Variants in TMC5 observed in about 807,000 individuals in gnomAD.
The protein encoded by TMC5 is transmembrane channel like 5.
Under a neutral mutation model 110.5 loss-of-function variants are expected in TMC5, and 86 were observed. That is an observed-to-expected ratio of 0.78 (90% confidence interval 0.65 to 0.93). The LOEUF is 0.93. Ranked by LOEUF, TMC5 falls within the 40% of genes least tolerant of loss-of-function variation. The probability of loss-of-function intolerance (pLI) is 0.00; values close to 1 mark genes in which losing one functional copy is unlikely to be tolerated. For synonymous variants in TMC5, 455 were observed against 439.5 expected (o/e 1.04, Z -0.44); for missense variants, 1,144 against 1,222.8 (o/e 0.94, Z 0.96).
At chr16:19,455,570 G>T (rs540979210) in intron 5 of TMC5, among the ~76,000 whole-genome samples, 64 of 152,284 alleles carry the variant, frequency 4.2e-4, no homozygotes, top group African/African-American at 1.5e-3. Context: ...TCCTTAGCAG[G>T]TGAACGTTCG....
chr16:19,431,211 C>A (rs2143408062), intron 2 of TMC5, among the ~76,000 whole-genome samples: 1 of 152,162 alleles, frequency 6.6e-6, no homozygotes, highest in African/African-American at 2.4e-5. Context: ...AGAGGTTAAT[C>A]ATGGGTTTTC....
chr16:19,417,457 G>A (rs1265882082), upstream of TMC5, among the ~76,000 whole-genome samples: 3 of 151,218 alleles, frequency 2.0e-5, no homozygotes, highest in East Asian at 5.8e-4. Flanking sequence ...AGTGCCCGGG[G>A]GTGTCTAGTG....
chr16:19,431,956 T>G (rs983708911), intron 2 of TMC5, among the ~76,000 whole-genome samples: 1 of 152,196 alleles, frequency 6.6e-6, no homozygotes, highest in African/African-American at 2.4e-5. Context: ...CAGTTTTTTG[T>G]CATTATACAC....
intron 5 of TMC5, among the ~76,000 whole-genome samples, chr16:19,459,363 A>G (rs1014335591): frequency 6.6e-6 from 1 of 152,188 alleles, no homozygotes; most frequent in Admixed American, 6.6e-5. Flanking sequence ...TGTGAATATG[A>G]GTTAGCAGGA....
intron 17 of TMC5, 27 bp downstream of exon 17, chr16:19,487,353 T>G: frequency 6.2e-7 from 1 of 1,604,090 alleles, no homozygotes. Flanking sequence ...TTGGGGGAGG[T>G]TTTAGAGACT....
At chr16:19,428,992 A>G (rs1326052889) in intron 1 of TMC5, among the ~76,000 whole-genome samples, 1 of 151,788 alleles carries the variant, frequency 6.6e-6, no homozygotes, top group Non-Finnish European at 1.5e-5. Context: ...CGCCTGGCTC[A>G]TTTTCTTATT....
At chr16:19,421,228 T>C (rs1966975722) in intron 1 of TMC5, among the ~76,000 whole-genome samples, 1 of 152,206 alleles carries the variant, frequency 6.6e-6, no homozygotes, top group East Asian at 1.9e-4. Context: ...TATTTTTATT[T>C]TTAAAAGTAT....
rs1968760002 is a variant in TMC5 at position 19,487,003 on chromosome 16, A to G, written c.2422A>G (p.Met808Val). 4 of 1,613,872 alleles carry G rather than the reference A, an allele frequency of 2.5e-6. No homozygotes were observed. Among genetic ancestry groups the G allele is most frequent in the African/African-American group, 2.7e-5 (2 of 74,870 alleles). Residue 808 changes from methionine (M) to valine (V), a missense_variant, in exon 16 of 22, where the codon ATG becomes GTG. By Grantham distance (21) the Met-to-Val change is conservative. Transcript: ENST00000542583. Reference sequence around the variant, plus strand: ...TATCCAAATGATTATGCTTTTCATCATGTTCTACTCCAAAAATGTGAGTCA... The same window carrying G: ...TATCCAAATGATTATGCTTTTCATCGTGTTCTACTCCAAAAATGTGAGTCA... Reference protein sequence around the residue: ...PFIQMIMLFIMFYSKNISLMM... With the variant: ...PFIQMIMLFIVFYSKNISLMM...
chr16:19,495,720 C>T (rs998834312), intron 20 of TMC5, among the ~76,000 whole-genome samples: 17 of 151,886 alleles, frequency 1.1e-4, no homozygotes, highest in African/African-American at 4.1e-4. Flanking sequence ...GCAACTGTAG[C>T]CTCAGCTACT....
intron 4 of TMC5, among the ~76,000 whole-genome samples, chr16:19,447,317 G>A (rs572897801): frequency 3.3e-5 from 5 of 151,870 alleles, no homozygotes; most frequent in Admixed American, 6.6e-5. Context: ...AGAAACACAC[G>A]GTATCTTTAA....
intron 4 of TMC5, among the ~76,000 whole-genome samples, chr16:19,445,800 A>C (rs1283673574): frequency 6.6e-6 from 1 of 152,006 alleles, no homozygotes; most frequent in African/African-American, 2.4e-5. Flanking sequence ...ATGCATAGCC[A>C]TGTACTAATG....
At chr16:19,436,825 T>A (rs764041388) in intron 2 of TMC5, among the ~76,000 whole-genome samples, 54 of 152,270 alleles carry the variant, frequency 3.5e-4, no homozygotes, top group Non-Finnish European at 6.8e-4. Context: ...TTCTCCTCCC[T>A]GTTAGCATCA....
intron 14 of TMC5, 146 bp downstream of exon 14, chr16:19,479,674 T>G (rs1968569632): frequency 1.6e-6 from 1 of 641,094 alleles, no homozygotes; most frequent in Non-Finnish European, 2.8e-6. Flanking sequence ...TACTGTTCAC[T>G]TCTAAATTAG....
chr16:19,467,846 G>C (rs2143617696), intron 9 of TMC5, among the ~76,000 whole-genome samples: 1 of 152,246 alleles, frequency 6.6e-6, no homozygotes, highest in Admixed American at 6.5e-5. Flanking sequence ...TAGGGGGTTA[G>C]GACTTCAACA....
In TMC5 at chr16:19,474,263, G is replaced by A. The variant is rs201085859; in HGVS notation, c.2077G>A (p.Val693Ile). Residue 693 changes from valine (V) to isoleucine (I), a missense_variant, in exon 12 of 22, where the codon GTT becomes ATT. Physicochemically the swap from Val to Ile is conservative, Grantham distance 29. Coordinates refer to ENST00000542583, the MANE Select transcript of TMC5 (RefSeq NM_001261841.2). ...RYEMPRHEVY[V>I]LLIRNIFLKI... Reference sequence around the variant, plus strand: ...CGAGATGCCACGGCACGAAGTCTACGTTCTCCTGATCCGGTAGGTGATGTG... The same window carrying A: ...CGAGATGCCACGGCACGAAGTCTACATTCTCCTGATCCGGTAGGTGATGTG... 2.0e-5 allele frequency: 33 copies of A among 1,614,002 alleles called. No homozygotes were observed. The highest frequency in any genetic ancestry group is 8.0e-5 in the African/African-American group (6 of 75,024).
At chr16:19,455,576 G>T (rs1451026649) in intron 5 of TMC5, among the ~76,000 whole-genome samples, 1 of 152,166 alleles carries the variant, frequency 6.6e-6, no homozygotes, top group Non-Finnish European at 1.5e-5. Context: ...GCAGGTGAAC[G>T]TTCGTTCTCT....
Position 19,490,450 on chromosome 16 carries a change from T to C in TMC5, c.2629T>C (p.Ser877Pro). 1 of 1,614,160 alleles carries C rather than the reference T, an allele frequency of 6.2e-7. No individual in the cohort carries two copies. The highest frequency in any genetic ancestry group is 8.5e-7 in the Non-Finnish European group (1 of 1,180,032). ...TCGAGGTCTGCCTCTCTTCATTCAC[T>C]CCATCTACAGCTGGATCGACACCCT... The part of the protein sequence containing the change: ...PFRGLPLFIH[S>P]IYSWIDTLST... The change falls in exon 18 of 22, where the codon TCC becomes CCC. Residue 877 changes from serine (S) to proline (P), a missense_variant. Ser to Pro is a moderately conservative substitution (Grantham distance 74). Coordinates refer to ENST00000542583, the MANE Select transcript of TMC5 (RefSeq NM_001261841.2).
intron 2 of TMC5, among the ~76,000 whole-genome samples, chr16:19,435,593 AC>A (rs563382085): frequency 0.18 from 26,788 of 152,116 alleles, 2,407 homozygotes; most frequent in Middle Eastern, 0.22. Flanking sequence ...ATACACACAC[AC>A]ACACACACAC....
At chr16:19,492,023 C>G (rs1349762087) in intron 18 of TMC5, 127 bp from the exon 19 acceptor site, 2 of 744,220 alleles carry the variant, frequency 2.7e-6, no homozygotes, top group Non-Finnish European at 4.6e-6. Flanking sequence ...CCTGACATGA[C>G]TTTTCAGAAA....
Sources: allele counts gnomAD v4.1 joint callset (sites outside exome capture counted in the v4.1 genomes callset), GRCh38; gene constraint gnomAD v4.1.1; transcripts MANE v1.5; gene names NCBI Gene and HGNC (gene_info 2026-07-23, HGNC 2026-07-21).